Variants in ABHD18 observed in about 807,000 individuals in gnomAD.
The protein encoded by ABHD18 is cardiolipin-specific deacylase, mitochondrial.
A neutral mutation model predicts 65.9 loss-of-function variants in ABHD18; 55 were observed. That is an observed-to-expected ratio of 0.84 (90% confidence interval 0.67 to 1.05). ABHD18 has a LOEUF of 1.05. Among genes scored for constraint, ABHD18 ranks in the 50% least tolerant of loss-of-function variants. The pLI is 0.00. For missense variants in ABHD18, 533 were observed against 558.5 expected (o/e 0.95, Z 0.46); for synonymous variants, 181 against 180.2 (o/e 1.00, Z -0.04).
At chr4:128,001,571 T>C (rs1049175881) in intron 4 of ABHD18, 9 of 717,590 alleles carry the variant, frequency 1.3e-5, no homozygotes, top group Admixed American at 1.2e-4. Context: ...CTGTAGATAG[T>C]AAATTTTCTG....
intron 1 of ABHD18, among the ~76,000 whole-genome samples, chr4:127,976,269 C>T (rs1212104838): frequency 6.6e-6 from 1 of 152,024 alleles, no homozygotes; most frequent in Non-Finnish European, 1.5e-5. Flanking sequence ...CTATGTCTTT[C>T]AAGTTAAGAA....
intron 1 of ABHD18, among the ~76,000 whole-genome samples, chr4:127,971,990 C>T (rs538717535): frequency 8.5e-5 from 13 of 152,172 alleles, no homozygotes; most frequent in African/African-American, 2.6e-4. Flanking sequence ...TCCTTCTGAC[C>T]GACTTGGCTA....
chr4:128,029,166 A>G (rs550062978), intron 11 of ABHD18, among the ~76,000 whole-genome samples: 34 of 151,924 alleles, frequency 2.2e-4, no homozygotes, highest in Admixed American at 5.9e-4. Context: ...AGCCTGGGTA[A>G]CATGGTAAAA....
At chr4:128,020,312 C>A in intron 9 of ABHD18, 143 bp downstream of exon 9, 1 of 624,800 alleles carries the variant, frequency 1.6e-6, no homozygotes, top group South Asian at 2.0e-5. Flanking sequence ...ATGATTAAGC[C>A]TTAACTACAG....
intron 10 of ABHD18, among the ~76,000 whole-genome samples, chr4:128,024,123 G>C (rs1756979663): frequency 6.6e-6 from 1 of 152,196 alleles, no homozygotes; most frequent in African/African-American, 2.4e-5. Flanking sequence ...CTGGAGGCTA[G>C]AAAGTCCAAG....
At chr4:128,009,473 A>G (rs992621190) in intron 6 of ABHD18, 4 of 220,750 alleles carry the variant, frequency 1.8e-5, no homozygotes, top group African/African-American at 9.1e-5. Context: ...AATGTTTGCT[A>G]TTAAGGAAAC....
At chr4:127,981,414 G>A (rs1749028699) in intron 1 of ABHD18, among the ~76,000 whole-genome samples, 1 of 151,884 alleles carries the variant, frequency 6.6e-6, no homozygotes, top group Non-Finnish European at 1.5e-5. Flanking sequence ...TAGTTAGATA[G>A]ATTTTTTAAT....
At position 127,999,069 on chromosome 4, in the gene ABHD18, T is replaced by C. The variant is rs998509824; in HGVS notation, c.278+9248T>C. Among the ~76,000 whole-genome samples the C allele has an allele frequency of 4.2e-5, 6 of 142,638 alleles. No individual in the cohort carries two copies. In the South Asian group the frequency reaches 1.3e-3, roughly 31 times the overall value. 93.6% of individuals were successfully genotyped at this position (142,638 alleles called of 152,430 possible). A position where few individuals can be genotyped will look rare whatever the true frequency, so the allele number is the denominator to read the frequency against. ...TTCATTTAAATATATAAAATATATA[T>C]ATATTTTTAAAAAACATGAGCCTGG... On this transcript the variant is annotated intron_variant, in intron 4 of 12. Coordinates refer to ENST00000645843, the MANE Select transcript of ABHD18 (RefSeq NM_001358451.3).
chr4:127,966,702 C>CAAAAAAAAA lies in ABHD18; in HGVS notation c.-18+1124_-18+1132dup, dbSNP rs70966065. Among the ~76,000 whole-genome samples, 23 of 21,540 alleles carry CAAAAAAAAA rather than the reference C, an allele frequency of 1.1e-3. 7 individuals are homozygous for CAAAAAAAAA. Among genetic ancestry groups the CAAAAAAAAA allele is most frequent in the African/African-American group, 2.5e-3 (14 of 5,640 alleles). 14.1% of individuals were successfully genotyped at this position (21,540 alleles called of 152,430 possible). ...TGAAACCCCGTCTCTACTAAAAATA[C>CAAAAAAAAA]AAAAAAAAAAAAAAAAAAAAAAAAA... On this transcript the variant is annotated intron_variant, in intron 1 of 12. Transcript: ENST00000645843.
chr4:127,991,674 TGCTGCTTCTG>T (rs1234381930), intron 4 of ABHD18, among the ~76,000 whole-genome samples: 1 of 152,242 alleles, frequency 6.6e-6, no homozygotes, highest in Non-Finnish European at 1.5e-5. Context: ...ATAAACTATT[TGCTGCTTCTG>T]GTTAGTAGGT....
chr4:128,039,168 T>TATATATAA lies in ABHD18; in HGVS notation c.*3362_*3363insAATATATA, dbSNP rs1439642773. On this transcript the variant is annotated 3_prime_UTR_variant, in exon 13 of 13. Transcript: ENST00000645843. Reference sequence around the variant, plus strand: ...GCATATATATATATATATATATATATATATATATATATATATAATCTCAAA... The same window carrying TATATATAA: ...GCATATATATATATATATATATATATATATATAAATATATATATATATATAATCTCAAA... 2 of 138,540 alleles carry TATATATAA rather than the reference T, an allele frequency of 1.4e-5. No homozygotes were observed. Among genetic ancestry groups the TATATATAA allele is most frequent in the African/African-American group, 5.8e-5 (2 of 34,638 alleles). 8.6% of individuals were successfully genotyped at this position (138,540 alleles called of 1,614,324 possible). A position where few individuals can be genotyped will look rare whatever the true frequency, so the allele number is the denominator to read the frequency against.
chr4:128,022,763 CCTTTT>C (rs1756704968), intron 10 of ABHD18, among the ~76,000 whole-genome samples: 1 of 150,130 alleles, frequency 6.7e-6, no homozygotes, highest in South Asian at 2.1e-4. Flanking sequence ...AGTGACCGAT[CCTTTT>C]CTTTTTTTTT....
At chr4:127,970,647 G>T (rs1579102764) in intron 1 of ABHD18, among the ~76,000 whole-genome samples, 4 of 151,652 alleles carry the variant, frequency 2.6e-5, no homozygotes, top group African/African-American at 9.7e-5. Flanking sequence ...ATTGCAAAAG[G>T]CAGTGAAGTC....
chr4:128,011,835 A>G (rs929903499), intron 7 of ABHD18, 135 bp downstream of exon 7: 19 of 517,296 alleles, frequency 3.7e-5, no homozygotes, highest in Non-Finnish European at 6.3e-5. Flanking sequence ...CTGTTATGAA[A>G]CTGTAGTATG....
intron 10 of ABHD18, among the ~76,000 whole-genome samples, chr4:128,027,218 T>G (rs534099436): frequency 1.1e-3 from 168 of 152,272 alleles, no homozygotes; most frequent in African/African-American, 3.9e-3. Context: ...CTTGGGTGTG[T>G]AGTCAGCTAT....
rs532816575 is a variant in ABHD18 at position 127,984,301 on chromosome 4, G to T, written c.93-38G>T. 6.9e-6 allele frequency: 9 copies of T among 1,300,552 alleles called. No homozygotes were observed. The Admixed American group carries it at 1.0e-4, about 15-fold the overall frequency. 80.6% of individuals were successfully genotyped at this position (1,300,552 alleles called of 1,614,324 possible). On this transcript the variant is annotated intron_variant, in intron 2 of 12. Transcript: ENST00000645843. ...AATGTGCTTAGTAGGTGATATAAAA[G>T]ATTAATTTTTTCCTTTTTGTCTTCT... is the stretch of plus-strand genomic sequence containing the variant.
chr4:127,969,070 C>T (rs955799628), intron 1 of ABHD18, among the ~76,000 whole-genome samples: 7 of 152,194 alleles, frequency 4.6e-5, no homozygotes, highest in Admixed American at 1.3e-4. Flanking sequence ...CTTTCTTTTC[C>T]TCATTTATTA....
At chr4:127,986,736 C>T (rs1579204487) in intron 3 of ABHD18, among the ~76,000 whole-genome samples, 1 of 152,174 alleles carries the variant, frequency 6.6e-6, no homozygotes, top group Non-Finnish European at 1.5e-5. Flanking sequence ...CTTGTCCAAG[C>T]CATCATAGTG....
At position 128,009,176 on chromosome 4, in the gene ABHD18, T is replaced by C; in HGVS notation, c.427T>C (p.Leu143=). ...AGAAGCCCGAATGGCTTCTTTATTGTTAGAAAACCCTTATTATATCCTTTT... is the reference window on the plus strand; with the variant it reads ...AGAAGCCCGAATGGCTTCTTTATTGCTAGAAAACCCTTATTATATCCTTTT... ...IKEARMASLL[L]ENPYYGCRKP... is the part of the protein sequence containing the mutation. The change falls in exon 6 of 13, where the codon TTA becomes CTA. Residue 143 remains leucine (L), a synonymous_variant. Coordinates refer to ENST00000645843, the MANE Select transcript of ABHD18 (RefSeq NM_001358451.3). 6.6e-7 allele frequency: 1 copy of C among 1,511,526 alleles called. No individual in the cohort carries two copies. The highest frequency in any genetic ancestry group is 1.4e-5 in the South Asian group (1 of 71,110). 93.6% of individuals were successfully genotyped at this position (1,511,526 alleles called of 1,614,324 possible).
Sources: allele counts gnomAD v4.1 joint callset (sites outside exome capture counted in the v4.1 genomes callset), GRCh38; gene constraint gnomAD v4.1.1; transcripts MANE v1.5; gene names NCBI Gene and HGNC (gene_info 2026-07-23, HGNC 2026-07-21).